ETV3: variants seen among roughly 807,000 people sequenced by gnomAD.
ETV3 encodes ETS translocation variant 3.
A neutral mutation model predicts 33.0 loss-of-function variants in ETV3; 8 were observed. The observed-to-expected ratio is 0.24, with a 90% CI of 0.14 to 0.44. The LOEUF (loss-of-function observed/expected upper bound fraction) is 0.44. Among genes scored for constraint, ETV3 ranks in the 20% least tolerant of loss-of-function variants. The pLI, the probability that ETV3 is intolerant of heterozygous loss-of-function variation, is 1.00. For synonymous variants in ETV3, 222 were observed against 238.9 expected, an observed-to-expected ratio of 0.93 and a Z score of 0.65; for missense variants, 473 against 652.3, an observed-to-expected ratio of 0.73 and a Z score of 2.99.
intron 4 of ETV3, chr1:157,133,784 TAAAA>T: frequency 9.4e-7 from 1 of 1,063,656 alleles, no homozygotes; most frequent in Non-Finnish European, 1.1e-6. Flanking sequence ...GGCTGGGTGT[TAAAA>T]CTGAGTCCTG....
chr1:157,132,277 C>A (rs761297298), intron 4 of ETV3, among the ~76,000 whole-genome samples: 1 of 152,202 alleles, frequency 6.6e-6, no homozygotes, highest in African/African-American at 2.4e-5. Context: ...GGATCTTGAG[C>A]TTGGGTTAAA....
intron 4 of ETV3, among the ~76,000 whole-genome samples, chr1:157,129,042 G>C (rs1427791746): frequency 2.0e-5 from 3 of 152,218 alleles, no homozygotes; most frequent in East Asian, 3.9e-4. Flanking sequence ...TAAATACTGG[G>C]GAAAGTCCTT....
At chr1:157,136,432 TG>T in intron 1 of ETV3, 67 bp from the exon 2 acceptor site, 1 of 1,439,068 alleles carries the variant, frequency 6.9e-7, no homozygotes, top group South Asian at 1.3e-5. Context: ...AAAAGTTTTC[TG>T]GCAGTCTCTC....
Position 157,124,944 on chromosome 1 carries a change from C to T in ETV3, c.1436G>A (p.Arg479His). The T allele has an allele frequency of 7.7e-6, 12 of 1,551,830 alleles. No individual in the cohort carries two copies. The highest frequency in any genetic ancestry group is 2.4e-5 in the East Asian group (1 of 40,922). ...LMPPKLRLKR[R>H]WNDDPEAREL... ...TCGGGCTTCAGGGTCATCATTCCAG[C>T]GCCGCTTCAACCGAAGCTTGGGGGG... Residue 479 changes from arginine (R) to histidine (H), a missense_variant, in exon 5 of 5, where the codon CGC becomes CAC. Around this residue, in one of 3 missense-constraint regions of ETV3, gnomAD observed 410 missense variants for 520.2 expected, o/e 0.79. Transcript: ENST00000368192.
rs1467522416 is a variant in ETV3, at chr1:157,124,924, C to T, written c.1456G>A (p.Ala486Thr). ...TTGCCACTCTTGCTCAGCTCTCGGG[C>T]TTCAGGGTCATCATTCCAGCGCCGC... ...LKRRWNDDPE[A>T]RELSKSGKFL... Residue 486 changes from alanine to threonine, a missense_variant, in exon 5 of 5, where the codon GCC becomes ACC. Around this residue, in one of 3 missense-constraint regions of ETV3, gnomAD observed 410 missense variants for 520.2 expected, o/e 0.79. Transcript: ENST00000368192. 2 of 1,551,616 alleles carry T rather than the reference C, an allele frequency of 1.3e-6. No individual in the cohort carries two copies. Among genetic ancestry groups the T allele is most frequent in the African/African-American group, 2.7e-5 (2 of 73,024 alleles).
At position 157,124,763 on chromosome 1, in the gene ETV3, C is replaced by G. The variant is rs754475877; in HGVS notation, c.*78G>C. On this transcript the variant is annotated 3_prime_UTR_variant, in exon 5 of 5. Coordinates refer to ENST00000368192, the MANE Select transcript of ETV3 (RefSeq NM_001145312.3). ...ATCAAACCAGTTTAACTCCCTCCCC[C>G]CCACCCTGAAATCTTGCTACATAAA... 33 of 395,302 alleles carry G rather than the reference C, an allele frequency of 8.3e-5. 6 individuals carry two copies. The highest frequency in any genetic ancestry group is 6.3e-4 in the South Asian group (12 of 18,916). The allele number at this position is 395,302 out of a possible 1,614,324, so 24.5% of individuals were successfully genotyped here.
At chr1:157,132,561 TTCTTTAAAATTGTTGGTATATA>T (rs1429619612) in intron 4 of ETV3, among the ~76,000 whole-genome samples, 8 of 152,074 alleles carry the variant, frequency 5.3e-5, no homozygotes, top group Non-Finnish European at 1.2e-4. Context: ...AACCAACAAA[TTCTTTAAAATTGTTGGTATATA>T]CATCTAGATT....
chr1:157,134,678 C>T (rs6704373), intron 3 of ETV3, among the ~76,000 whole-genome samples: 1 of 152,038 alleles, frequency 6.6e-6, no homozygotes, highest in African/African-American at 2.4e-5. Flanking sequence ...AAGGAATGTA[C>T]AACTGTTTTA....
rs1375258049 is a variant in ETV3, at chr1:157,122,412, G to C, written c.*2429C>G. The C allele has an allele frequency of 6.6e-6, 1 of 151,972 alleles. No homozygotes were observed. Among genetic ancestry groups the C allele is most frequent in the Admixed American group, 6.6e-5 (1 of 15,246 alleles). 9.4% of individuals were successfully genotyped at this position (151,972 alleles called of 1,614,324 possible). The stretch of plus-strand genomic sequence containing the variant: ...TTTACTGGTGGAATGGCAATCAAAG[G>C]AAACAGTTAAACACCAAACAATTTC... On this transcript the variant is annotated 3_prime_UTR_variant, in exon 5 of 5. Coordinates refer to ENST00000368192, the MANE Select transcript of ETV3 (RefSeq NM_001145312.3).
At chr1:157,136,427 T>C (rs1047461640) in intron 1 of ETV3, 62 bp from the exon 2 acceptor site, 7 of 1,483,120 alleles carry the variant, frequency 4.7e-6, no homozygotes, top group Admixed American at 4.5e-5. Context: ...CTCTCAAAAG[T>C]TTTCTGGCAG....
rs1033974466 is a variant in ETV3 at position 157,123,180 on chromosome 1, T to C, written c.*1661A>G. ...GTGCCACCCTTCCTCTCATCGGATA[T>C]GGAGTGATTTCTTCTCTCGCTGCTG... On this transcript the variant is annotated 3_prime_UTR_variant, in exon 5 of 5. Transcript: ENST00000368192. 1.3e-5 allele frequency: 2 copies of C among 152,292 alleles called. No homozygotes were observed. Among genetic ancestry groups the C allele is most frequent in the African/African-American group, 4.8e-5 (2 of 41,470 alleles). The allele number at this position is 152,292 out of a possible 1,614,324, so 9.4% of individuals were successfully genotyped here. A position where few individuals can be genotyped will look rare whatever the true frequency, so the allele number is the denominator to read the frequency against.
At chr1:157,131,801 T>C (rs1448280012) in intron 4 of ETV3, among the ~76,000 whole-genome samples, 1 of 152,250 alleles carries the variant, frequency 6.6e-6, no homozygotes, top group Non-Finnish European at 1.5e-5. Context: ...CAATAAATGT[T>C]ACATTCCTTT....
rs1356471818 is a variant in ETV3, at chr1:157,125,393, T to G, written c.987A>C (p.Pro329=). 5.2e-6 allele frequency: 8 copies of G among 1,552,050 alleles called. No individual in the cohort carries two copies. In the Admixed American group the frequency reaches 1.6e-4, roughly 30 times the overall value. ...FPRYPGLMVP[P]LQCQMHPEES... is the part of the protein sequence containing the mutation. ...CCTCAGGATGCATTTGGCACTGCAG[T>G]GGTGGAACCATGAGCCCTGGGTAAC... Residue 329 remains proline (P), a synonymous_variant, in exon 5 of 5, where the codon CCA becomes CCC. Transcript: ENST00000368192. This position sits in a 1 kb window ranked among gnomAD's most constrained non-coding sequence, Gnocchi z 4.0.
chr1:157,133,760 T>C (rs1675028191), intron 4 of ETV3: 1 of 1,028,600 alleles, frequency 9.7e-7, no homozygotes, highest in Non-Finnish European at 1.2e-6. Context: ...TTCCCATCTA[T>C]GAAAGAACCA....
intron 3 of ETV3, 180 bp downstream of exon 3, chr1:157,135,291 C>T: frequency 1.4e-6 from 1 of 728,686 alleles, no homozygotes; most frequent in Non-Finnish European, 2.2e-6. Context: ...TATGCCTTTT[C>T]TCCTCCTGTG....
Position 157,125,570 on chromosome 1 carries a change from A to T in ETV3, c.810T>A (p.Thr270=). 6.4e-7 allele frequency: 1 copy of T among 1,551,834 alleles called. No individual in the cohort carries two copies. Among genetic ancestry groups the T allele is most frequent in the South Asian group, 1.2e-5 (1 of 84,046 alleles). ...NVPISPALSL[T]PTIFSYSPSP... ...ATGGGCTATAGGAGAAGATGGTGGG[A>T]GTCAGGGAGAGGGCTGGTGAAATGG... Residue 270 remains threonine (T), a synonymous_variant, in exon 5 of 5, where the codon ACT becomes ACA. Coordinates refer to ENST00000368192, the MANE Select transcript of ETV3 (RefSeq NM_001145312.3). This position sits in a 1 kb window ranked among gnomAD's most constrained non-coding sequence, Gnocchi z 4.0.
At chr1:157,128,558 A>G in intron 4 of ETV3, 1 of 241,540 alleles carries the variant, frequency 4.1e-6, no homozygotes, top group Non-Finnish European at 8.6e-6. Context: ...ATACCGATGG[A>G]GTATTTGGAG....
chr1:157,128,947 T>C (rs1219987684), intron 4 of ETV3, among the ~76,000 whole-genome samples: 1 of 152,256 alleles, frequency 6.6e-6, no homozygotes, highest in Non-Finnish European at 1.5e-5. Flanking sequence ...GTTCAACTTT[T>C]CACAAAGATG....
chr1:157,132,188 T>C (rs369954464), intron 4 of ETV3, among the ~76,000 whole-genome samples: 1 of 152,250 alleles, frequency 6.6e-6, no homozygotes, highest in Non-Finnish European at 1.5e-5. Context: ...CCTCAAGTGA[T>C]CTGCCGGCCT....
Sources: allele counts gnomAD v4.1 joint callset (sites outside exome capture counted in the v4.1 genomes callset), GRCh38; gene constraint gnomAD v4.1.1; regional missense constraint gnomAD v4.1.1; non-coding constraint Gnocchi (gnomAD v3.1); transcripts MANE v1.5; gene names NCBI Gene and HGNC (gene_info 2026-07-23, HGNC 2026-07-21).